The following CADM4 variants were observed in gnomAD, a reference collection of about 807,000 sequenced individuals.
CADM4 encodes the protein TSLC1-like 2.
CADM4 carries 13 observed loss-of-function variants against 43.9 expected under a neutral mutation model. That is an observed-to-expected ratio of 0.30 (90% CI 0.19 to 0.47). CADM4 has a LOEUF of 0.47. CADM4 is among the 20% of genes least tolerant of loss of function. The probability of loss-of-function intolerance (pLI) is 1.00; values close to 1 mark genes in which losing one functional copy is unlikely to be tolerated. For missense variants in CADM4, 420 were observed against 527.0 expected, an observed-to-expected ratio of 0.80 and a Z score of 1.99; for synonymous variants, 209 against 220.9, an observed-to-expected ratio of 0.95 and a Z score of 0.48.
Position 43,623,479 on chromosome 19 carries a change from T to A in CADM4, c.1058-40A>T. On this transcript the variant is annotated intron_variant, in intron 8 of 8. Transcript: ENST00000222374. This position sits in a 1 kb window ranked among gnomAD's most constrained non-coding sequence, Gnocchi z 4.4. ...GACCCCCGGGGCAGGGGGGACATATTTGTGGATCCAGGAGTTGGACAGAAG... is the reference window on the plus strand; with the variant it reads ...GACCCCCGGGGCAGGGGGGACATATATGTGGATCCAGGAGTTGGACAGAAG... 6 of 1,299,964 alleles carry A rather than the reference T, an allele frequency of 4.6e-6. No individual in the cohort carries two copies. The highest frequency in any genetic ancestry group is 1.8e-4 in the Middle Eastern group (1 of 5,438). 80.5% of individuals were successfully genotyped at this position (1,299,964 alleles called of 1,614,324 possible).
In CADM4 at chr19:43,625,707, CA is replaced by C. The variant is rs1973513151; in HGVS notation, c.755+203del. ...TCCAGATTCCTCCTCCCTCAGGATC[CA>C]GGAGTCCAGGTCCCAGATCCCTATT... On this transcript the variant is annotated intron_variant, in intron 6 of 8. Transcript: ENST00000222374. The surrounding 1 kb of genome is among the most constrained non-coding windows in gnomAD (Gnocchi z 4.5). Among the ~76,000 whole-genome samples the C allele has an allele frequency of 6.6e-6, 1 of 152,070 alleles. No homozygotes were observed. Among genetic ancestry groups the C allele is most frequent in the Non-Finnish European group, 1.5e-5 (1 of 68,024 alleles).
rs930253271 is a variant in CADM4 at position 43,624,388 on chromosome 19, A to G, written c.929-146T>C. 6.4e-6 allele frequency: 6 copies of G among 936,204 alleles called. No homozygotes were observed. In the African/African-American group the frequency reaches 9.9e-5, roughly 16 times the overall value. 58.0% of individuals were successfully genotyped at this position (936,204 alleles called of 1,614,324 possible). On this transcript the variant is annotated intron_variant, in intron 7 of 8. Transcript: ENST00000222374. ...CCCTCAAAAATTACTGCCACCTTGT[A>G]GTCTCTTCTCTTTCCAGATGCTTGT...
chr19:43,633,329 T>G (rs1973655026), intron 1 of CADM4, among the ~76,000 whole-genome samples: 1 of 152,088 alleles, frequency 6.6e-6, no homozygotes, highest in Non-Finnish European at 1.5e-5. Flanking sequence ...CTGCCTCGGC[T>G]TCCCAAAGTG....
chr19:43,628,023 A>G (rs1336396305), intron 1 of CADM4, among the ~76,000 whole-genome samples: 2 of 152,268 alleles, frequency 1.3e-5, no homozygotes, highest in African/African-American at 4.8e-5. Context: ...AGGGCAGCAC[A>G]GGGCACACTA....
rs1973510733 is a variant in CADM4, at chr19:43,625,578, A to AAAAAAT, written c.756-329_756-328insATTTTT. 1.3e-5 allele frequency among the ~76,000 whole-genome samples: 2 copies of AAAAAAT among 149,834 alleles called. No individual in the cohort carries two copies. The highest frequency in any genetic ancestry group is 4.9e-5 in the African/African-American group (2 of 40,670). Reference sequence around the variant, plus strand: ...GGGAGACCCCGTCACTACAATTAAAAAATAATAATAATAATAATAATAATT... The same window carrying AAAAAAT: ...GGGAGACCCCGTCACTACAATTAAAAAAAAATAATAATAATAATAATAATAATAATT... On this transcript the variant is annotated intron_variant, in intron 6 of 8. Transcript: ENST00000222374. The surrounding 1 kb of genome is among the most constrained non-coding windows in gnomAD (Gnocchi z 4.5).
Position 43,627,277 on chromosome 19 carries a change from G to T in CADM4, c.253C>A (p.Arg85Ser). ...TCTGAGAGCCGGATCCGCACCCGGC[G>T]TGGGGAGAACTCCTCAAGCTGGAAA... Reference protein sequence around the residue: ...ERFQLEEFSPRRVRIRLSDAR... With the variant: ...ERFQLEEFSPSRVRIRLSDAR... The change falls in exon 3 of 9, where the codon CGC becomes AGC. Residue 85 changes from arginine to serine, a missense_variant. Physicochemically the swap from Arg to Ser is moderately radical, Grantham distance 110 (BLOSUM62 -1). Transcript: ENST00000222374. The surrounding 1 kb of genome is among the most constrained non-coding windows in gnomAD (Gnocchi z 4.0). 6.2e-7 allele frequency: 1 copy of T among 1,610,404 alleles called. No homozygotes were observed. The highest frequency in any genetic ancestry group is 1.7e-4 in the Middle Eastern group (1 of 6,048).
At position 43,626,963 on chromosome 19, in the gene CADM4, C is replaced by T. The variant is rs1161055285; in HGVS notation, c.365-45G>A. The T allele has an allele frequency of 5.9e-6, 9 of 1,533,614 alleles. No homozygotes were observed. The highest frequency in any genetic ancestry group is 1.4e-5 in the African/African-American group (1 of 72,562). ...AGTAAGGGGTTAAAGAAGGCACGAA[C>T]GTGGGCTCAAAGCGATCGAGCTGCC... is the stretch of plus-strand genomic sequence containing the variant. On this transcript the variant is annotated intron_variant, in intron 3 of 8. Transcript: ENST00000222374. The surrounding 1 kb of genome is among the most constrained non-coding windows in gnomAD (Gnocchi z 5.9).
At position 43,626,798 on chromosome 19, in the gene CADM4, C is replaced by T. The variant is rs745675841; in HGVS notation, c.485G>A (p.Arg162His). 21 of 1,596,166 alleles carry T rather than the reference C, an allele frequency of 1.3e-5. No individual in the cohort carries two copies. Among genetic ancestry groups the T allele is most frequent in the South Asian group, 2.2e-5 (2 of 89,520 alleles). The change falls in exon 4 of 9, where the codon CGC becomes CAC. Residue 162 changes from arginine (R) to histidine (H), a missense_variant. By Grantham distance (29) the Arg-to-His change is conservative. Transcript: ENST00000222374. This position sits in a 1 kb window ranked among gnomAD's most constrained non-coding sequence, Gnocchi z 5.9. ...PAATLRWYRD[R>H]KELKGVSSSQ... The stretch of plus-strand genomic sequence containing the variant: ...GCCCAGGGTACCTTTCAGCTCCTTG[C>T]GGTCCCGGTACCAGCGCAGGGTGGC...
In CADM4 at chr19:43,626,762, G is replaced by A; in HGVS notation, c.499+22C>T. 6.5e-7 allele frequency: 1 copy of A among 1,548,764 alleles called. No individual in the cohort carries two copies. On this transcript the variant is annotated intron_variant, in intron 4 of 8. Transcript: ENST00000222374. This position sits in a 1 kb window ranked among gnomAD's most constrained non-coding sequence, Gnocchi z 5.9. ...AAGTCCCACCTCCTCCCCATCCCTT[G>A]TCAGCACTCGGCCCAGGGTACCTTT...
At chr19:43,624,909 A>G (rs1973496438) in intron 7 of CADM4, 169 bp downstream of exon 7, 2 of 672,304 alleles carry the variant, frequency 3.0e-6, no homozygotes, top group Non-Finnish European at 2.5e-6. Context: ...GTTACCTGCA[A>G]TAGAATGCAG....
chr19:43,637,697 G>A (rs769964992), intron 1 of CADM4, among the ~76,000 whole-genome samples: 3 of 152,168 alleles, frequency 2.0e-5, no homozygotes, highest in South Asian at 2.1e-4. Flanking sequence ...TGCACGGGGC[G>A]GGTGGTCACC....
At chr19:43,640,017 G>T (rs564725750), upstream of CADM4, among the ~76,000 whole-genome samples, 621 of 150,934 alleles carry the variant, frequency 4.1e-3, no homozygotes, top group Non-Finnish European at 6.9e-3. Flanking sequence ...AGAGGAGAGG[G>T]GTGAGGAGGG....
intron 1 of CADM4, 79 bp downstream of exon 1, chr19:43,639,648 G>A (rs1433962692): frequency 1.3e-5 from 11 of 853,736 alleles, no homozygotes; most frequent in Non-Finnish European, 1.5e-5. Flanking sequence ...CGGCCTCTGC[G>A]GCCCCGAGGC....
rs979402200 is a variant in CADM4 at position 43,623,793 on chromosome 19, T to C, written c.1057+321A>G. On this transcript the variant is annotated intron_variant, in intron 8 of 8. Coordinates refer to ENST00000222374, the MANE Select transcript of CADM4 (RefSeq NM_145296.2). This position sits in a 1 kb window ranked among gnomAD's most constrained non-coding sequence, Gnocchi z 4.4. Reference sequence around the variant, plus strand: ...TTTGTATTTTTAGTAGAAAAGGGGCTGCGCCATGGTGCCCAGGCTGGTCTC... The same window carrying C: ...TTTGTATTTTTAGTAGAAAAGGGGCCGCGCCATGGTGCCCAGGCTGGTCTC... Among the ~76,000 whole-genome samples the C allele has an allele frequency of 1.3e-5, 2 of 152,234 alleles. No individual in the cohort carries two copies. The highest frequency in any genetic ancestry group is 4.8e-5 in the African/African-American group (2 of 41,450).
upstream of CADM4, among the ~76,000 whole-genome samples, chr19:43,640,952 G>A (rs1401443937): frequency 6.6e-6 from 1 of 151,904 alleles, no homozygotes; most frequent in East Asian, 1.9e-4. Context: ...TGCCAATTAT[G>A]AACATCTTTC....
At position 43,639,814 on chromosome 19, in the gene CADM4, C is replaced by A; in HGVS notation, c.-24G>T. ...ATGGTGCCGCCGCCGCCGCCGCCGC[C>A]GCTCGCTCCCGGCCCGGCACCTGCA... On this transcript the variant is annotated 5_prime_UTR_variant, in exon 1 of 9. Coordinates refer to ENST00000222374, the MANE Select transcript of CADM4 (RefSeq NM_145296.2). 2.0e-6 allele frequency: 2 copies of A among 997,558 alleles called. No individual in the cohort carries two copies. Among genetic ancestry groups the A allele is most frequent in the South Asian group, 4.3e-5 (1 of 23,178 alleles). 61.8% of individuals were successfully genotyped at this position (997,558 alleles called of 1,614,324 possible).
In CADM4 at chr19:43,624,133, C is replaced by A. The variant is rs751328801; in HGVS notation, c.1038G>T (p.Trp346Cys). 1 of 1,614,200 alleles carries A rather than the reference C, an allele frequency of 6.2e-7. No homozygotes were observed. The highest frequency in any genetic ancestry group is 1.7e-5 in the Admixed American group (1 of 60,026). Reference protein sequence around the residue: ...LIICVLVGMVWCSVRQKGSYL... With the variant: ...LIICVLVGMVCCSVRQKGSYL... ...ACTCACCCTTCTGCCGTACCGAGCA[C>A]CAGACCATGCCCACTAGCACACATA... The change falls in exon 8 of 9, where the codon TGG becomes TGT. Residue 346 changes from tryptophan to cysteine, a missense_variant. Coordinates refer to ENST00000222374, the MANE Select transcript of CADM4 (RefSeq NM_145296.2).
intron 1 of CADM4, among the ~76,000 whole-genome samples, chr19:43,630,281 CTTTTT>C (rs59489315): frequency 2.7e-5 from 2 of 73,442 alleles, no homozygotes; most frequent in Non-Finnish European, 4.8e-5. Context: ...TTTTTCTTTT[CTTTTT>C]TTTTTTTTTT....
chr19:43,638,690 A>G lies in CADM4; in HGVS notation c.64+1037T>C, dbSNP rs182005685. 5.9e-5 allele frequency among the ~76,000 whole-genome samples: 9 copies of G among 152,348 alleles called. No individual in the cohort carries two copies. The East Asian group carries it at 1.7e-3, about 29-fold the overall frequency. ...GGATGGCTCCCTGGATGTCCTGGAC[A>G]GGGGCTTCTCTGTGAGTCAAGCCTG... On this transcript the variant is annotated intron_variant, in intron 1 of 8. Transcript: ENST00000222374.
Sources: gnomAD v4.1 joint callset for allele counts (sites outside exome capture counted in the v4.1 genomes callset) on GRCh38, gnomAD v4.1.1 for gene constraint, Gnocchi (gnomAD v3.1) non-coding constraint, MANE v1.5 for transcripts, NCBI Gene and HGNC (gene_info 2026-07-23, HGNC 2026-07-21) for gene names.